PIK3R6: variants seen among roughly 807,000 people sequenced by gnomAD.
PIK3R6 encodes phosphoinositide-3-kinase regulatory subunit 6, also known as phosphoinositide 3-kinase regulatory subunit 6.
In PIK3R6, 91 loss-of-function variants were observed where a neutral mutation model predicts 84.9. The ratio of observed to expected loss-of-function variants is 1.07; its 90% confidence interval spans 0.90 to 1.28. The LOEUF (loss-of-function observed/expected upper bound fraction) is 1.28. Among genes scored for constraint, PIK3R6 ranks in the 50% most tolerant of loss-of-function variants. The probability of loss-of-function intolerance (pLI) is 0.00; values close to 1 mark genes in which losing one functional copy is unlikely to be tolerated. For missense variants in PIK3R6, 996 were observed against 985.1 expected (o/e 1.01, Z -0.15); for synonymous variants, 416 against 411.4 (o/e 1.01, Z -0.13).
chr17:8,829,596 A>C, intron 10 of PIK3R6, 110 bp downstream of exon 10: 4 of 1,114,768 alleles, frequency 3.6e-6, no homozygotes, highest in South Asian at 1.4e-5. Flanking sequence ...ACACACACTC[A>C]TGCATACACA....
intron 1 of PIK3R6, among the ~76,000 whole-genome samples, chr17:8,865,856 G>A (rs2089398185): frequency 7.3e-6 from 1 of 136,648 alleles, no homozygotes; most frequent in African/African-American, 2.7e-5. Context: ...GAAACACCTG[G>A]ATATGAAAGA....
chr17:8,841,321 G>C (rs1367216534), intron 2 of PIK3R6, among the ~76,000 whole-genome samples: 2 of 152,160 alleles, frequency 1.3e-5, no homozygotes, highest in East Asian at 3.9e-4. Flanking sequence ...CCTGGCTCCT[G>C]TCCTGCCTTT....
chr17:8,851,619 G>A (rs1292174914), intron 1 of PIK3R6, among the ~76,000 whole-genome samples: 2 of 152,220 alleles, frequency 1.3e-5, no homozygotes, highest in African/African-American at 4.8e-5. Flanking sequence ...TGAGTTTATT[G>A]CTCTGGGGCG....
intron 1 of PIK3R6, among the ~76,000 whole-genome samples, chr17:8,858,363 C>A (rs1473697203): frequency 2.2e-5 from 3 of 134,674 alleles, no homozygotes; most frequent in Non-Finnish European, 4.6e-5. Context: ...GTCGCCCAGG[C>A]TGGAGTGCAG....
chr17:8,812,503 C>T (rs907378112), intron 18 of PIK3R6, among the ~76,000 whole-genome samples: 1 of 152,154 alleles, frequency 6.6e-6, no homozygotes, highest in Non-Finnish European at 1.5e-5. Context: ...TATGCTAGAC[C>T]ACAAGGTGAG....
chr17:8,819,527 G>A (rs970893337), intron 17 of PIK3R6, among the ~76,000 whole-genome samples: 1 of 151,862 alleles, frequency 6.6e-6, no homozygotes, highest in East Asian at 1.9e-4. Flanking sequence ...TGAACTTCCT[G>A]CAGCTCTTGG....
chr17:8,850,741 C>A (rs1379869061), intron 1 of PIK3R6, among the ~76,000 whole-genome samples: 1 of 152,082 alleles, frequency 6.6e-6, no homozygotes, highest in South Asian at 2.1e-4. Context: ...ACTGGGAAAG[C>A]TAATCTAAAA....
Position 8,803,314 on chromosome 17 carries a change from G to T in PIK3R6, c.2224C>A (p.Leu742Ile), listed in dbSNP as rs2087095382. 6.2e-7 allele frequency: 1 copy of T among 1,613,224 alleles called. No individual in the cohort carries two copies. ...VEAIKAKPKPLLMPINTFSGI... is the reference protein window; with the variant it reads ...VEAIKAKPKPILMPINTFSGI... The stretch of plus-strand genomic sequence containing the variant: ...GAGAATGTGTTGATGGGCATCAGAA[G>T]GGGCTTGGGCTTGGCTTTGATTGCT... Residue 742 changes from leucine to isoleucine, a missense_variant, in exon 20 of 20, where the codon CTT becomes ATT. Leu to Ile is a conservative substitution (Grantham distance 5). Transcript: ENST00000619866. The surrounding 1 kb of genome is among the most constrained non-coding windows in gnomAD (Gnocchi z 5.0).
At chr17:8,814,123 C>T (rs1405988339) in intron 18 of PIK3R6, among the ~76,000 whole-genome samples, 1 of 151,554 alleles carries the variant, frequency 6.6e-6, no homozygotes, top group Admixed American at 6.6e-5. Flanking sequence ...GGGATCCCCC[C>T]ACAGAAAGAA....
intron 1 of PIK3R6, among the ~76,000 whole-genome samples, chr17:8,858,165 C>T (rs560333952): frequency 4.5e-4 from 68 of 152,250 alleles, no homozygotes; most frequent in African/African-American, 7.2e-4. Context: ...TGCACGTAGA[C>T]AGGAAATGGA....
intron 12 of PIK3R6, among the ~76,000 whole-genome samples, chr17:8,827,873 A>G (rs199622185): frequency 1.3e-5 from 2 of 150,386 alleles, no homozygotes; most frequent in Non-Finnish European, 3.0e-5. Context: ...AAACAAAACA[A>G]ATAGCAGCAA....
In PIK3R6 at chr17:8,820,789, C is replaced by T. The variant is rs148544201; in HGVS notation, c.1879+1057G>A. On this transcript the variant is annotated intron_variant, in intron 17 of 19. Coordinates refer to ENST00000619866, the MANE Select transcript of PIK3R6 (RefSeq NM_001010855.4). ...CACAAATGCATTATTGTCAGAAAGG[C>T]GCCTTAATTGGAATGCTAGCAAAGC... 1.8e-3 allele frequency among the ~76,000 whole-genome samples: 269 copies of T among 152,218 alleles called. 1 individual carries two copies. Among genetic ancestry groups the T allele is most frequent in the African/African-American group, 6.2e-3 (259 of 41,536 alleles).
chr17:8,819,317 G>A (rs534991234), intron 17 of PIK3R6, 119 bp from the exon 18 acceptor site: 1 of 633,490 alleles, frequency 1.6e-6, no homozygotes, highest in South Asian at 2.5e-5. Flanking sequence ...ACTCCTCCTT[G>A]GGCCCCCACT....
rs898998184 is a variant in PIK3R6, at chr17:8,828,919, G to C, written c.961C>G (p.Leu321Val). Residue 321 changes from leucine to valine, a missense_variant, in exon 11 of 20, where the codon CTG becomes GTG. Coordinates refer to ENST00000619866, the MANE Select transcript of PIK3R6 (RefSeq NM_001010855.4). ...TCCCGGTCCGGCCGGAGGCCCTGCA[G>C]ATCCAAGACCTCCAAGTCAGCACTG... ...RLSADLEVLDLQGLRPDRELA... is the reference protein window; with the variant it reads ...RLSADLEVLDVQGLRPDRELA... 3 of 1,536,204 alleles carry C rather than the reference G, an allele frequency of 2.0e-6. No homozygotes were observed. In the African/African-American group the frequency reaches 4.2e-5, roughly 21 times the overall value.
At chr17:8,855,118 G>C (rs964623014) in intron 1 of PIK3R6, among the ~76,000 whole-genome samples, 1 of 152,046 alleles carries the variant, frequency 6.6e-6, no homozygotes, top group South Asian at 2.1e-4. Flanking sequence ...ACTTGAACCC[G>C]GGCAGCAGAG....
At chr17:8,836,183 G>GGA (rs753630035) in intron 7 of PIK3R6, among the ~76,000 whole-genome samples, 33 of 152,206 alleles carry the variant, frequency 2.2e-4, no homozygotes, top group Admixed American at 1.2e-3. Flanking sequence ...TGGCTATTCT[G>GGA]GAGTCTCCTC....
chr17:8,860,208 T>TG (rs376705032), intron 1 of PIK3R6, among the ~76,000 whole-genome samples: 12 of 151,992 alleles, frequency 7.9e-5, no homozygotes, highest in African/African-American at 2.9e-4. Context: ...CACTGATCCG[T>TG]GGGCCGTTAG....
chr17:8,822,051 T>TC lies in PIK3R6; in HGVS notation c.1789-116dup, dbSNP rs1434321909. On this transcript the variant is annotated intron_variant, in intron 16 of 19. Coordinates refer to ENST00000619866, the MANE Select transcript of PIK3R6 (RefSeq NM_001010855.4). ...CTGTTTTCCACCCCTGCTGTGAGAG[T>TC]CTTTTTTTTTTTTTTTTTTTGAGCC... 28 of 645,606 alleles carry TC rather than the reference T, an allele frequency of 4.3e-5. No homozygotes were observed. The East Asian group carries it at 8.7e-4, about 20-fold the overall frequency. 40.0% of individuals were successfully genotyped at this position (645,606 alleles called of 1,614,324 possible). A position where few individuals can be genotyped will look rare whatever the true frequency, so the allele number is the denominator to read the frequency against.
In PIK3R6 at chr17:8,828,896, C is replaced by G. The variant is rs769162625; in HGVS notation, c.984G>C (p.Arg328=). Residue 328 remains arginine (R), a synonymous_variant, in exon 11 of 20, where the codon CGG becomes CGC. Transcript: ENST00000619866. The part of the protein sequence containing the change: ...VLDLQGLRPD[R]ELARVSVLST... The stretch of plus-strand genomic sequence containing the variant: ...ACAGCACAGAAACCCGGGCCAACTC[C>G]CGGTCCGGCCGGAGGCCCTGCAGAT... 2 of 1,562,420 alleles carry G rather than the reference C, an allele frequency of 1.3e-6. No homozygotes were observed. The highest frequency in any genetic ancestry group is 1.7e-6 in the Non-Finnish European group (2 of 1,154,174).
Sources: gnomAD v4.1 joint callset for allele counts (sites outside exome capture counted in the v4.1 genomes callset) on GRCh38, gnomAD v4.1.1 for gene constraint, Gnocchi (gnomAD v3.1) non-coding constraint, MANE v1.5 for transcripts, NCBI Gene and HGNC (gene_info 2026-07-23, HGNC 2026-07-21) for gene names.